Variants in ALG14 observed in about 807,000 individuals in gnomAD.
ALG14 encodes the protein UDP-N-acetylglucosamine transferase subunit ALG14.
ALG14 carries 17 observed loss-of-function variants against 22.8 expected under a neutral mutation model. The ratio of observed to expected loss-of-function variants is 0.75; its 90% confidence interval spans 0.51 to 1.12. The LOEUF (loss-of-function observed/expected upper bound fraction) is 1.12. ALG14 is among the 50% of genes most tolerant of loss of function. ALG14 has a pLI of 0.00. For synonymous variants in ALG14, 89 were observed against 103.7 expected (o/e 0.86, Z 0.86); for missense variants, 288 against 271.8 (o/e 1.06, Z -0.42).
rs890048027 is a variant in ALG14, at chr1:94,978,414, A to C, written c.*4662T>G. 1 of 152,184 alleles carries C rather than the reference A, an allele frequency of 6.6e-6. No homozygotes were observed. The highest frequency in any genetic ancestry group is 2.4e-5 in the African/African-American group (1 of 41,442). 9.4% of individuals were successfully genotyped at this position (152,184 alleles called of 1,614,324 possible). A position where few individuals can be genotyped will look rare whatever the true frequency, so the allele number is the denominator to read the frequency against. ...ATGTTTTGTACAGAGCTGTGGTGTA[A>C]ATACTATCAAAAGTGGAACAAGGAT... On this transcript the variant is annotated 3_prime_UTR_variant, in exon 4 of 4. Transcript: ENST00000370205.
chr1:95,034,934 C>T (rs1330024857), intron 2 of ALG14, among the ~76,000 whole-genome samples: 1 of 152,172 alleles, frequency 6.6e-6, no homozygotes, highest in Non-Finnish European at 1.5e-5. Flanking sequence ...CCCTGTTTTG[C>T]ACTGTAGGCT....
chr1:94,991,282 T>G (rs1367419856), intron 3 of ALG14, among the ~76,000 whole-genome samples: 1 of 152,214 alleles, frequency 6.6e-6, no homozygotes, highest in Non-Finnish European at 1.5e-5. Context: ...ACAATGGGGA[T>G]ACTTTCTGAG....
chr1:94,993,055 C>T (rs1156542386), intron 3 of ALG14, among the ~76,000 whole-genome samples: 1 of 150,054 alleles, frequency 6.7e-6, no homozygotes, highest in East Asian at 1.9e-4. Flanking sequence ...AGTCCTGTTA[C>T]TCTGTCACAG....
intron 2 of ALG14, among the ~76,000 whole-genome samples, chr1:95,039,435 T>C (rs987200268): frequency 2.0e-5 from 3 of 151,694 alleles, no homozygotes; most frequent in Non-Finnish European, 4.4e-5. Flanking sequence ...GGTAGAGGAA[T>C]GGAGATGACA....
At chr1:95,004,182 T>G (rs960427579) in intron 3 of ALG14, among the ~76,000 whole-genome samples, 2 of 149,762 alleles carry the variant, frequency 1.3e-5, no homozygotes, top group Admixed American at 6.7e-5. Flanking sequence ...GAACTGAAAC[T>G]CCAGCCGCTG....
intron 3 of ALG14, among the ~76,000 whole-genome samples, chr1:95,015,438 A>G (rs1673472649): frequency 6.6e-6 from 1 of 152,228 alleles, no homozygotes; most frequent in Non-Finnish European, 1.5e-5. Context: ...AAGTTAAATG[A>G]CTAGAGAACA....
intron 3 of ALG14, among the ~76,000 whole-genome samples, chr1:95,011,701 C>T (rs917506962): frequency 3.9e-5 from 6 of 152,024 alleles, no homozygotes; most frequent in Non-Finnish European, 7.4e-5. Context: ...AGGTGTGAGC[C>T]GCCGTGCCCA....
At chr1:95,043,494 G>A (rs1253942316) in intron 2 of ALG14, among the ~76,000 whole-genome samples, 1 of 152,188 alleles carries the variant, frequency 6.6e-6, no homozygotes, top group Non-Finnish European at 1.5e-5. Flanking sequence ...TCACATTAAA[G>A]AATGAGGCAT....
At chr1:95,018,949 T>C (rs1010423964) in intron 3 of ALG14, among the ~76,000 whole-genome samples, 3 of 152,254 alleles carry the variant, frequency 2.0e-5, no homozygotes, top group Admixed American at 2.0e-4. Context: ...TCTGGAACTT[T>C]AAGATGTAGA....
chr1:95,003,702 C>T lies in ALG14; in HGVS notation c.421-20396G>A, dbSNP rs191029159. Among the ~76,000 whole-genome samples, 460 of 152,180 alleles carry T rather than the reference C, an allele frequency of 3.0e-3. 1 individual carries two copies. The highest frequency in any genetic ancestry group is 0.011 in the African/African-American group (445 of 41,506). ...CTTGAACTCTTGGCCTCAAACAATC[C>T]TCCTGCCTCGGCCCCTCAAAGTGTT... On this transcript the variant is annotated intron_variant, in intron 3 of 3. Coordinates refer to ENST00000370205, the MANE Select transcript of ALG14 (RefSeq NM_144988.4).
At chr1:95,045,118 A>G (rs560388199) in intron 2 of ALG14, among the ~76,000 whole-genome samples, 1 of 152,308 alleles carries the variant, frequency 6.6e-6, no homozygotes, top group Non-Finnish European at 1.5e-5. Context: ...AGTTAAAGCT[A>G]GCATATAAGG....
At chr1:95,027,393 G>C in intron 2 of ALG14, 133 bp from the exon 3 acceptor site, 1 of 1,058,612 alleles carries the variant, frequency 9.4e-7, no homozygotes, top group Non-Finnish European at 1.4e-6. Flanking sequence ...TTTTAAATTA[G>C]AGTTGTAATG....
rs1673855372 is a variant in ALG14 at position 95,027,398 on chromosome 1, G to A, written c.289-138C>T. On this transcript the variant is annotated intron_variant, in intron 2 of 3. Transcript: ENST00000370205. ...TTCTAACCACTTTTAAATTAGAGTT[G>A]TAATGCCTATCTCATGCTTTATATA... is the stretch of plus-strand genomic sequence containing the variant. 13 of 1,028,112 alleles carry A rather than the reference G, an allele frequency of 1.3e-5. No homozygotes were observed. In the South Asian group the frequency reaches 1.6e-4, roughly 13 times the overall value. 63.7% of individuals were successfully genotyped at this position (1,028,112 alleles called of 1,614,324 possible).
chr1:94,996,902 C>T (rs1325756505), intron 3 of ALG14, among the ~76,000 whole-genome samples: 2 of 151,998 alleles, frequency 1.3e-5, no homozygotes, highest in African/African-American at 4.8e-5. Flanking sequence ...AGGCTGGTAT[C>T]GAATTCCTGA....
intron 3 of ALG14, among the ~76,000 whole-genome samples, chr1:95,015,029 C>T (rs1038448736): frequency 2.0e-5 from 3 of 152,128 alleles, no homozygotes; most frequent in Non-Finnish European, 4.4e-5. Context: ...ATAGGGGAGG[C>T]CTAAGTCCCC....
intron 1 of ALG14, among the ~76,000 whole-genome samples, chr1:95,068,341 C>T (rs1451488441): frequency 1.3e-5 from 2 of 152,172 alleles, no homozygotes; most frequent in African/African-American, 4.8e-5. Context: ...TGCTCTGTTG[C>T]CCAGGCGTGA....
chr1:95,030,765 C>T (rs774566159), intron 2 of ALG14, among the ~76,000 whole-genome samples: 7 of 152,142 alleles, frequency 4.6e-5, no homozygotes, highest in Non-Finnish European at 1.0e-4. Context: ...TTTCCTAGAC[C>T]TGGACGTGGA....
chr1:95,054,062 G>A (rs1674847071), intron 2 of ALG14, among the ~76,000 whole-genome samples: 1 of 152,108 alleles, frequency 6.6e-6, no homozygotes, highest in Non-Finnish European at 1.5e-5. Context: ...TATTAAAATT[G>A]ACAAATGTCT....
At chr1:95,057,158 A>C (rs1261215569) in intron 2 of ALG14, among the ~76,000 whole-genome samples, 1 of 151,132 alleles carries the variant, frequency 6.6e-6, no homozygotes, top group East Asian at 2.0e-4. Flanking sequence ...AAATAAATAT[A>C]TATATACATA....
Sources: gnomAD v4.1 joint callset for allele counts (sites outside exome capture counted in the v4.1 genomes callset) on GRCh38, gnomAD v4.1.1 for gene constraint, MANE v1.5 for transcripts, NCBI Gene and HGNC (gene_info 2026-07-23, HGNC 2026-07-21) for gene names.